The following RPH3A variants were observed in gnomAD, a reference collection of about 807,000 sequenced individuals.
The protein encoded by RPH3A is rabphilin-3A.
Under a neutral mutation model 102.2 loss-of-function variants are expected in RPH3A, and 48 were observed. The observed-to-expected ratio is 0.47, with a 90% CI of 0.37 to 0.60. RPH3A has a LOEUF of 0.60. RPH3A is among the 20% of genes least tolerant of loss of function. RPH3A has a pLI of 0.00. For missense variants in RPH3A, 781 were observed against 910.1 expected, an observed-to-expected ratio of 0.86 and a Z score of 1.83; for synonymous variants, 310 against 324.3, an observed-to-expected ratio of 0.96 and a Z score of 0.47.
chr12:112,629,314 T>A (rs945821436), intron 1 of RPH3A, among the ~76,000 whole-genome samples: 3 of 151,932 alleles, frequency 2.0e-5, no homozygotes, highest in African/African-American at 7.3e-5. Flanking sequence ...TTGTGTTGGG[T>A]TTAATTTTAC....
intron 1 of RPH3A, among the ~76,000 whole-genome samples, chr12:112,721,798 T>C (rs1326445141): frequency 6.6e-6 from 1 of 152,166 alleles, no homozygotes; most frequent in African/African-American, 2.4e-5. Flanking sequence ...CCAAGTTACA[T>C]ATGACCCAAT....
chr12:112,853,071 C>A (rs907523408), intron 5 of RPH3A, among the ~76,000 whole-genome samples: 2 of 152,178 alleles, frequency 1.3e-5, no homozygotes, highest in African/African-American at 2.4e-5. Flanking sequence ...CTGTCACACC[C>A]CTATCACCTT....
At chr12:112,702,688 C>T (rs1371928188) in intron 1 of RPH3A, among the ~76,000 whole-genome samples, 1 of 152,154 alleles carries the variant, frequency 6.6e-6, no homozygotes, top group Non-Finnish European at 1.5e-5. Context: ...GGTCTGGGCC[C>T]CACTTGTAGG....
chr12:112,583,671 C>A (rs1462160493), intron 1 of RPH3A, among the ~76,000 whole-genome samples: 2 of 151,894 alleles, frequency 1.3e-5, no homozygotes, highest in East Asian at 3.9e-4. Flanking sequence ...TATATCCATG[C>A]CTCAGTTTAT....
chr12:112,799,060 AG>A (rs1236986775), intron 2 of RPH3A, among the ~76,000 whole-genome samples: 3 of 152,150 alleles, frequency 2.0e-5, no homozygotes, highest in African/African-American at 7.2e-5. Flanking sequence ...TTGGAGCTGA[AG>A]GGGGTCCTGG....
intron 1 of RPH3A, among the ~76,000 whole-genome samples, chr12:112,714,031 G>T (rs1030809775): frequency 1.3e-5 from 2 of 152,160 alleles, no homozygotes; most frequent in Non-Finnish European, 2.9e-5. Flanking sequence ...CCCCTCATGG[G>T]ATAACATGAG....
At chr12:112,578,599 T>C (rs2039375025) in intron 1 of RPH3A, among the ~76,000 whole-genome samples, 1 of 152,220 alleles carries the variant, frequency 6.6e-6, no homozygotes, top group Admixed American at 6.5e-5. Flanking sequence ...CGAGAAGGAC[T>C]GCATGATATG....
chr12:112,759,228 TTGTGTGTGTG>T lies in RPH3A; in HGVS notation c.-139-32909_-139-32900del, dbSNP rs3839971. On this transcript the variant is annotated intron_variant, in intron 1 of 21. Coordinates refer to the RPH3A transcript ENST00000543106. ...TCCATTCGTGTGTGTTTGTGTGTGT[TTGTGTGTGTG>T]TGTGTATCCTTTTGGAGTTATTCTA... is the stretch of plus-strand genomic sequence containing the variant. Among the ~76,000 whole-genome samples the T allele has an allele frequency of 2.0e-5, 3 of 151,714 alleles. No homozygotes were observed. The South Asian group carries it at 6.2e-4, about 32-fold the overall frequency.
At chr12:112,643,316 T>G (rs1830198318) in intron 1 of RPH3A, among the ~76,000 whole-genome samples, 1 of 152,218 alleles carries the variant, frequency 6.6e-6, no homozygotes, top group South Asian at 2.1e-4. Context: ...AATTCATTAC[T>G]TCCATCCCTC....
intron 5 of RPH3A, among the ~76,000 whole-genome samples, chr12:112,860,955 G>A (rs1331684274): frequency 6.6e-6 from 1 of 152,292 alleles, no homozygotes; most frequent in Admixed American, 6.5e-5. Context: ...GCATTGAAAG[G>A]CATCCTGATG....
chr12:112,640,584 T>C (rs1022171956), intron 1 of RPH3A, among the ~76,000 whole-genome samples: 1 of 152,124 alleles, frequency 6.6e-6, no homozygotes, highest in African/African-American at 2.4e-5. Flanking sequence ...TTTTTTGAAT[T>C]GAATAGCATC....
At chr12:112,673,800 C>G (rs533088536) in intron 1 of RPH3A, among the ~76,000 whole-genome samples, 2 of 151,770 alleles carry the variant, frequency 1.3e-5, no homozygotes, top group African/African-American at 4.8e-5. Flanking sequence ...TTTTTTGTAC[C>G]CATTAACCAT....
intron 1 of RPH3A, among the ~76,000 whole-genome samples, chr12:112,746,838 T>C (rs1419558607): frequency 6.6e-6 from 1 of 152,090 alleles, no homozygotes; most frequent in Non-Finnish European, 1.5e-5. Flanking sequence ...TCTCTCTCTG[T>C]CTCACCTCTC....
intron 1 of RPH3A, among the ~76,000 whole-genome samples, chr12:112,688,748 T>A (rs1482519888): frequency 6.6e-6 from 1 of 152,236 alleles, no homozygotes; most frequent in Admixed American, 6.5e-5. Flanking sequence ...GAAGAAACTC[T>A]ACCTTTCATT....
At chr12:112,688,171 A>G (rs1249879087) in intron 1 of RPH3A, among the ~76,000 whole-genome samples, 4 of 152,210 alleles carry the variant, frequency 2.6e-5, no homozygotes, top group Admixed American at 1.3e-4. Flanking sequence ...TGAAGGACAG[A>G]CACTTCCACT....
Position 112,638,084 on chromosome 12 carries a change from G to A in RPH3A, c.-140+62765G>A, listed in dbSNP as rs562975654. On this transcript the variant is annotated intron_variant, in intron 1 of 21. Transcript: ENST00000543106. The stretch of plus-strand genomic sequence containing the variant: ...ATGAATAGATTAATACCCTCCCTGG[G>A]GCAGGGGAGTAAGTGAGTTCCCTCT... Among the ~76,000 whole-genome samples, 39 of 152,120 alleles carry A rather than the reference G, an allele frequency of 2.6e-4. No individual in the cohort carries two copies. The Middle Eastern group carries it at 0.01, about 40-fold the overall frequency.
At chr12:112,794,847 C>T (rs948934918) in intron 2 of RPH3A, among the ~76,000 whole-genome samples, 6 of 152,232 alleles carry the variant, frequency 3.9e-5, no homozygotes, top group African/African-American at 1.4e-4. Context: ...GCAGCCCCTA[C>T]TCCCCCAGTC....
intron 1 of RPH3A, among the ~76,000 whole-genome samples, chr12:112,708,757 C>T (rs893388265): frequency 2.0e-5 from 3 of 152,022 alleles, no homozygotes; most frequent in Admixed American, 6.6e-5. Flanking sequence ...CCCAGGGGAT[C>T]GGAGCCTCCT....
At chr12:112,855,258 A>G (rs527817486) in intron 5 of RPH3A, among the ~76,000 whole-genome samples, 9 of 152,354 alleles carry the variant, frequency 5.9e-5, no homozygotes, top group African/African-American at 2.2e-4. Flanking sequence ...GGAGTGAATA[A>G]TAGAGCTTCT....
Sources: gnomAD v4.1 joint callset for allele counts (sites outside exome capture counted in the v4.1 genomes callset) on GRCh38, gnomAD v4.1.1 for gene constraint, MANE v1.5 for transcripts, NCBI Gene and HGNC (gene_info 2026-07-23, HGNC 2026-07-21) for gene names.